Variants in PHLDB2 observed in about 807,000 individuals in gnomAD.
The protein encoded by PHLDB2 is pleckstrin homology-like domain family B member 2.
PHLDB2 carries 71 observed loss-of-function variants against 123.6 expected under a neutral mutation model. That is an observed-to-expected ratio of 0.57 (90% confidence interval 0.47 to 0.70). PHLDB2 has a LOEUF of 0.70. Ranked by LOEUF, PHLDB2 falls within the 30% of genes least tolerant of loss-of-function variation. The pLI is 0.00. For missense variants in PHLDB2, 1,446 were observed against 1,519.5 expected (o/e 0.95, Z 0.80); for synonymous variants, 547 against 541.6 (o/e 1.01, Z -0.14).
At chr3:111,769,402 T>C (rs1168688710) in intron 1 of PHLDB2, among the ~76,000 whole-genome samples, 2 of 152,152 alleles carry the variant, frequency 1.3e-5, no homozygotes, top group Non-Finnish European at 2.9e-5. Flanking sequence ...CACTGTCTTT[T>C]CCCCATATTC....
chr3:111,750,023 G>C (rs940970251), intron 1 of PHLDB2, among the ~76,000 whole-genome samples: 14 of 152,162 alleles, frequency 9.2e-5, no homozygotes, highest in African/African-American at 3.1e-4. Flanking sequence ...CCTCAACAGA[G>C]GTAGTCATTG....
chr3:111,866,314 G>A (rs2065079270), intron 1 of PHLDB2, among the ~76,000 whole-genome samples: 2 of 151,892 alleles, frequency 1.3e-5, no homozygotes, highest in South Asian at 2.1e-4. Context: ...CACCGAGCCC[G>A]GCCTCATGTA....
chr3:111,888,916 A>G (rs1372429653), intron 2 of PHLDB2, among the ~76,000 whole-genome samples: 4 of 152,142 alleles, frequency 2.6e-5, no homozygotes, highest in Non-Finnish European at 5.9e-5. Flanking sequence ...GTTTCCATCA[A>G]CTTCTGCCCT....
At chr3:111,898,182 T>TTGTGTGTGTGTGTGTGTG (rs58183787) in intron 2 of PHLDB2, among the ~76,000 whole-genome samples, 1 of 142,550 alleles carries the variant, frequency 7.0e-6, no homozygotes, top group African/African-American at 2.7e-5. Context: ...GTGTGTGTGT[T>TTGTGTGTGTGTGTGTGTG]TGTGTGTGTG....
At chr3:111,809,449 C>G (rs1423451422) in intron 1 of PHLDB2, among the ~76,000 whole-genome samples, 1 of 152,204 alleles carries the variant, frequency 6.6e-6, no homozygotes, top group Non-Finnish European at 1.5e-5. Context: ...AAAAGTCTAT[C>G]TGAAGTCCAG....
At chr3:111,840,538 C>CCTAAAAGT (rs1438406708) in intron 1 of PHLDB2, among the ~76,000 whole-genome samples, 10 of 152,176 alleles carry the variant, frequency 6.6e-5, no homozygotes, top group African/African-American at 2.4e-4. Context: ...TCATTTTCCT[C>CCTAAAAGT]CATACCACTT....
At chr3:111,843,642 T>G (rs867911114) in intron 1 of PHLDB2, among the ~76,000 whole-genome samples, 2 of 152,192 alleles carry the variant, frequency 1.3e-5, no homozygotes. Context: ...TCCTCCTGCC[T>G]CAGCCTCCCA....
intron 3 of PHLDB2, chr3:111,913,917 G>T (rs868591709): frequency 1.4e-5 from 8 of 588,070 alleles, no homozygotes; most frequent in Non-Finnish European, 2.3e-5. Flanking sequence ...GCACAGAAGA[G>T]TAGAAAGAAA....
chr3:111,865,667 G>T (rs1313373670), intron 1 of PHLDB2, among the ~76,000 whole-genome samples: 1 of 151,960 alleles, frequency 6.6e-6, no homozygotes, highest in African/African-American at 2.4e-5. Context: ...CTTCTGACTT[G>T]CTTCCCTGGC....
At chr3:111,840,583 G>A (rs1402861665) in intron 1 of PHLDB2, among the ~76,000 whole-genome samples, 1 of 152,158 alleles carries the variant, frequency 6.6e-6, no homozygotes, top group Non-Finnish European at 1.5e-5. Context: ...GGAGCTTGAT[G>A]ATAACAGAAA....
chr3:111,780,342 A>G (rs11710833), intron 1 of PHLDB2, among the ~76,000 whole-genome samples: 891 of 16,290 alleles, frequency 0.055, 122 homozygotes, highest in Non-Finnish European at 0.19. Flanking sequence ...AAGAAGAAGA[A>G]GAAGAAGAAG....
intron 1 of PHLDB2, among the ~76,000 whole-genome samples, chr3:111,871,372 C>G (rs920543737): frequency 6.6e-6 from 1 of 152,148 alleles, no homozygotes; most frequent in Non-Finnish European, 1.5e-5. Context: ...CTTGGCCCGG[C>G]ATGGTGGCTT....
intron 5 of PHLDB2, among the ~76,000 whole-genome samples, chr3:111,923,957 A>G (rs1388491116): frequency 6.6e-6 from 1 of 152,178 alleles, no homozygotes; most frequent in African/African-American, 2.4e-5. Context: ...ACTGTACTTG[A>G]CTATGCATCC....
chr3:111,903,110 TTTC>T (rs1207613513), intron 2 of PHLDB2, among the ~76,000 whole-genome samples: 5 of 152,304 alleles, frequency 3.3e-5, no homozygotes, highest in African/African-American at 1.2e-4. Context: ...AAGAACTAAA[TTTC>T]TTCTTCTAAG....
At chr3:111,779,931 A>T in intron 1 of PHLDB2, 2 of 897,680 alleles carry the variant, frequency 2.2e-6, no homozygotes, top group Non-Finnish European at 1.3e-6. Context: ...TTGGCTATTT[A>T]TCACCCCACA....
At chr3:111,754,309 A>G (rs2059841994) in intron 1 of PHLDB2, among the ~76,000 whole-genome samples, 2 of 144,648 alleles carry the variant, frequency 1.4e-5, no homozygotes, top group African/African-American at 5.2e-5. Flanking sequence ...ATTTGTTTGT[A>G]TCCTCTTTTA....
In PHLDB2 at chr3:111,884,494, C is replaced by T. The variant is rs781046112; in HGVS notation, c.417C>T (p.Ala139=). 3.1e-6 allele frequency: 5 copies of T among 1,614,020 alleles called. No individual in the cohort carries two copies. Among genetic ancestry groups the T allele is most frequent in the African/African-American group, 2.7e-5 (2 of 74,922 alleles). The change falls in exon 2 of 18, where the codon GCC becomes GCT. Residue 139 remains alanine, a synonymous_variant. Transcript: ENST00000431670. ...DHYTGRDSER[A]LRLSEKPPYS... ...ATACTGGCCGGGACAGTGAAAGGGC[C>T]TTGAGGCTCTCAGAGAAGCCTCCCT...
chr3:111,770,908 T>C (rs2108047118), intron 1 of PHLDB2, among the ~76,000 whole-genome samples: 1 of 152,192 alleles, frequency 6.6e-6, no homozygotes, highest in East Asian at 1.9e-4. Flanking sequence ...TAAACAGTGA[T>C]TGGTACGAAG....
At chr3:111,797,681 C>G (rs2061216489) in intron 1 of PHLDB2, among the ~76,000 whole-genome samples, 1 of 152,232 alleles carries the variant, frequency 6.6e-6, no homozygotes, top group Non-Finnish European at 1.5e-5. Context: ...AAGCAACTTT[C>G]ACAACCCTTC....
Sources: gnomAD v4.1 joint callset for allele counts (sites outside exome capture counted in the v4.1 genomes callset) on GRCh38, gnomAD v4.1.1 for gene constraint, MANE v1.5 for transcripts, NCBI Gene and HGNC (gene_info 2026-07-23, HGNC 2026-07-21) for gene names.